The following TRIM37 variants were observed in gnomAD, a reference collection of about 807,000 sequenced individuals.
TRIM37 encodes tripartite motif containing 37, also known as E3 ubiquitin-protein ligase TRIM37.
In TRIM37, 80 loss-of-function variants were observed where a neutral mutation model predicts 129.8. The ratio of observed to expected loss-of-function variants is 0.62; its 90% confidence interval spans 0.51 to 0.74. The LOEUF is 0.74. Among genes scored for constraint, TRIM37 ranks in the 30% least tolerant of loss-of-function variants. The pLI is 0.00. For missense variants in TRIM37, 1,054 were observed against 1,176.5 expected, an observed-to-expected ratio of 0.90 and a Z score of 1.52; for synonymous variants, 389 against 387.1, an observed-to-expected ratio of 1.00 and a Z score of -0.06.
At chr17:59,002,860 A>G (rs2033954525) in intron 22 of TRIM37, among the ~76,000 whole-genome samples, 1 of 151,958 alleles carries the variant, frequency 6.6e-6, no homozygotes, top group Admixed American at 6.6e-5. Flanking sequence ...AGTGAGACTA[A>G]AACTCCACCC....
chr17:58,984,846 G>A (rs1437949820), intron 24 of TRIM37: 1 of 152,410 alleles, frequency 6.6e-6, no homozygotes, highest in Non-Finnish European at 1.5e-5. Flanking sequence ...TGACACAGCA[G>A]TTGTTTTTGA....
At chr17:59,058,637 C>T (rs570644978) in intron 12 of TRIM37, among the ~76,000 whole-genome samples, 5 of 152,218 alleles carry the variant, frequency 3.3e-5, no homozygotes, top group South Asian at 4.1e-4. Context: ...GTGGGCAGAT[C>T]GCCTGAGCCC....
At chr17:59,090,217 A>T (rs753764511) in intron 3 of TRIM37, 1 of 152,214 alleles carries the variant, frequency 6.6e-6, no homozygotes, top group Non-Finnish European at 1.5e-5. Flanking sequence ...ATGGGCATAA[A>T]TAAATCAAGG....
chr17:59,049,118 C>T (rs1274934587), intron 15 of TRIM37, 60 bp downstream of exon 15: 1 of 1,372,274 alleles, frequency 7.3e-7, no homozygotes, highest in Non-Finnish European at 1.0e-6. Context: ...TGTTAAAAGC[C>T]ATGATGCTAC....
In TRIM37 at chr17:59,101,560, T is replaced by C. The variant is rs529160854; in HGVS notation, c.123+2733A>G. Among the ~76,000 whole-genome samples, 3 of 148,298 alleles carry C rather than the reference T, an allele frequency of 2.0e-5. No homozygotes were observed. In the South Asian group the frequency reaches 6.4e-4, roughly 32 times the overall value. On this transcript the variant is annotated intron_variant, in intron 2 of 23. Coordinates refer to ENST00000262294, the MANE Select transcript of TRIM37 (RefSeq NM_015294.6). Reference sequence around the variant, plus strand: ...TAGGCCAGAGGCAGCGGCTCATGCCTGTAATCCCAGCACTTTGGGAGGCCA... The same window carrying C: ...TAGGCCAGAGGCAGCGGCTCATGCCCGTAATCCCAGCACTTTGGGAGGCCA...
chr17:59,101,314 T>C (rs1378426041), intron 2 of TRIM37, among the ~76,000 whole-genome samples: 3 of 151,904 alleles, frequency 2.0e-5, no homozygotes, highest in Admixed American at 6.6e-5. Flanking sequence ...GAAAGAGATA[T>C]CAGTGAAAAA....
At chr17:59,081,472 G>T (rs897982555) in intron 5 of TRIM37, among the ~76,000 whole-genome samples, 1 of 152,072 alleles carries the variant, frequency 6.6e-6, no homozygotes, top group Admixed American at 6.6e-5. Flanking sequence ...TTATTAAAAA[G>T]AACCAAGATC....
At chr17:59,020,744 C>A (rs2036512676) in intron 19 of TRIM37, among the ~76,000 whole-genome samples, 1 of 152,126 alleles carries the variant, frequency 6.6e-6, no homozygotes, top group South Asian at 2.1e-4. Flanking sequence ...CACTGATCAT[C>A]AGAGAAATGC....
At chr17:59,065,790 C>A (rs1468452773) in intron 9 of TRIM37, among the ~76,000 whole-genome samples, 1 of 152,192 alleles carries the variant, frequency 6.6e-6, no homozygotes, top group Non-Finnish European at 1.5e-5. Context: ...ATCTATAGCA[C>A]TGCCACACTA....
In TRIM37 at chr17:59,070,934, C is replaced by T. The variant is rs200009152; in HGVS notation, c.698G>A (p.Ser233Asn). The T allele has an allele frequency of 1.4e-5, 23 of 1,613,898 alleles. No homozygotes were observed. In the Admixed American group the frequency reaches 1.7e-4, roughly 12 times the overall value. ...QEVEHQLRSCSKSELISKSSE... is the reference protein window; with the variant it reads ...QEVEHQLRSCNKSELISKSSE... ...GCTCTTAGATATCAACTCACTCTTA[C>T]TACAAGACCGCAACTGTGTGAGGAA... Residue 233 changes from serine to asparagine, a missense_variant, in exon 9 of 24, where the codon AGT becomes AAT. Physicochemically the swap from Ser to Asn is conservative, Grantham distance 46. Coordinates refer to ENST00000262294, the MANE Select transcript of TRIM37 (RefSeq NM_015294.6).
the TRIM37 span, chr17:58,972,154 G>T: frequency 6.2e-7 from 1 of 1,613,950 alleles, no homozygotes; most frequent in Non-Finnish European, 8.5e-7. Flanking sequence ...GGGACCACAG[G>T]AGTGGTGACT....
At chr17:59,062,735 T>C (rs372698872) in intron 10 of TRIM37, 87 bp from the exon 11 acceptor site, 2 of 1,036,378 alleles carry the variant, frequency 1.9e-6, no homozygotes, top group East Asian at 4.9e-5. Flanking sequence ...CCAGTTTCTT[T>C]GTTACATACT....
intron 14 of TRIM37, among the ~76,000 whole-genome samples, chr17:59,049,721 C>A (rs1452404470): frequency 2.6e-5 from 4 of 152,058 alleles, no homozygotes; most frequent in Admixed American, 1.3e-4. Flanking sequence ...TGGTTTTGAA[C>A]CCCTGGGCTC....
At chr17:58,970,678 C>T in the TRIM37 span, among the ~76,000 whole-genome samples, 1 of 152,154 alleles carries the variant, frequency 6.6e-6, no homozygotes, top group Non-Finnish European at 1.5e-5. Flanking sequence ...CTCCCCTCCC[C>T]TAAGTTTGGA....
At chr17:59,016,572 GGA>G (rs1435953590) in intron 20 of TRIM37, among the ~76,000 whole-genome samples, 21 of 119,140 alleles carry the variant, frequency 1.8e-4, no homozygotes, top group African/African-American at 6.5e-4. Flanking sequence ...AGACCAGCCT[GGA>G]CAATGTAGCA....
In TRIM37 at chr17:59,106,793, T is replaced by C; in HGVS notation, c.-332A>G. ...GGGCGCGCGCCTATGGAACTGACGGTGGAGTTCAGCGAAGAAGGTGCCGCA... is the reference window on the plus strand; with the variant it reads ...GGGCGCGCGCCTATGGAACTGACGGCGGAGTTCAGCGAAGAAGGTGCCGCA... On this transcript the variant is annotated 5_prime_UTR_variant, in exon 1 of 24. Transcript: ENST00000262294. The C allele has an allele frequency of 1.9e-6, 1 of 535,598 alleles. No homozygotes were observed. Among genetic ancestry groups the C allele is most frequent in the Non-Finnish European group, 3.3e-6 (1 of 299,180 alleles). 33.2% of individuals were successfully genotyped at this position (535,598 alleles called of 1,614,324 possible).
intron 2 of TRIM37, 75 bp from the exon 3 acceptor site, chr17:59,091,415 T>G: frequency 2.8e-6 from 1 of 352,678 alleles, no homozygotes; most frequent in Non-Finnish European, 4.5e-6. Context: ...TATTTTATAT[T>G]TATATATAAT....
At chr17:59,075,625 A>G in intron 8 of TRIM37, 22 bp downstream of exon 8, 1 of 1,537,072 alleles carries the variant, frequency 6.5e-7, no homozygotes, top group South Asian at 1.1e-5. Flanking sequence ...AGACTATTTC[A>G]TTACATTTAA....
chr17:58,994,380 T>C (rs1465141014), downstream of TRIM37, among the ~76,000 whole-genome samples: 3 of 152,204 alleles, frequency 2.0e-5, no homozygotes, highest in African/African-American at 4.8e-5. Context: ...ATAATTTACA[T>C]AGCATTTACA....
Sources: allele counts gnomAD v4.1 joint callset (sites outside exome capture counted in the v4.1 genomes callset), GRCh38; gene constraint gnomAD v4.1.1; transcripts MANE v1.5; gene names NCBI Gene and HGNC (gene_info 2026-07-23, HGNC 2026-07-21).